Variants in SYNE2 observed in about 807,000 individuals in gnomAD.
SYNE2 encodes the protein spectrin repeat containing nuclear envelope protein 2.
A neutral mutation model predicts 856.3 loss-of-function variants in SYNE2; 431 were observed. The ratio of observed to expected loss-of-function variants is 0.50; its 90% CI spans 0.47 to 0.55. The LOEUF (loss-of-function observed/expected upper bound fraction) is 0.55. SYNE2 is among the 20% of genes least tolerant of loss of function. The pLI is 0.00. For synonymous variants in SYNE2, 2,923 were observed against 2,872.3 expected, an observed-to-expected ratio of 1.02 and a Z score of -0.56; for missense variants, 8,129 against 8,023.2, an observed-to-expected ratio of 1.01 and a Z score of -0.50.
chr14:63,941,831 TAAA>T (rs2095920706), intron 4 of SYNE2, 41 bp downstream of exon 4: 1 of 1,611,142 alleles, frequency 6.2e-7, no homozygotes, highest in African/African-American at 1.3e-5. Context: ...TCTGTTGACT[TAAA>T]AAATATGTAT....
intron 65 of SYNE2, 67 bp from the exon 66 acceptor site, chr14:64,113,274 C>T (rs749585902): frequency 6.2e-7 from 1 of 1,610,514 alleles, no homozygotes; most frequent in Non-Finnish European, 8.5e-7. Context: ...GTTGCAGGTT[C>T]CCAGGTCTTT....
chr14:64,219,502 A>G (rs2098684575), intron 110 of SYNE2, 92 bp downstream of exon 110: 3 of 1,274,296 alleles, frequency 2.4e-6, no homozygotes, highest in African/African-American at 1.5e-5. Context: ...TATTCGTGGC[A>G]TAGGCGCAGC....
chr14:64,126,773 T>C lies in SYNE2; in HGVS notation c.13883T>C (p.Leu4628Pro), dbSNP rs559503999. The change falls in exon 73 of 116, where the codon CTG becomes CCG. Residue 4628 changes from leucine (L) to proline (P), a missense_variant. Coordinates refer to ENST00000555002, the MANE Select transcript of SYNE2 (RefSeq NM_182914.3). ...GCAGCTGTCTGTAGAAGCAAGTCCCTGAAAGCTGGCCTCGATTACAACCGC... is the reference window on the plus strand; with the variant it reads ...GCAGCTGTCTGTAGAAGCAAGTCCCCGAAAGCTGGCCTCGATTACAACCGC... Reference protein sequence around the residue: ...QAAAVCRSKSLKAGLDYNRSY... With the variant: ...QAAAVCRSKSPKAGLDYNRSY... The C allele has an allele frequency of 2.7e-5, 44 of 1,613,656 alleles. No individual in the cohort carries two copies. The African/African-American group carries it at 3.1e-4, about 11-fold the overall frequency.
chr14:64,073,091 T>G (rs2097425355), intron 52 of SYNE2, among the ~76,000 whole-genome samples: 1 of 152,142 alleles, frequency 6.6e-6, no homozygotes, highest in Admixed American at 6.5e-5. Context: ...GGTTTTTTTA[T>G]GGAGACTTCA....
At chr14:64,182,449 C>T (rs2098462978) in intron 96 of SYNE2, among the ~76,000 whole-genome samples, 1 of 151,876 alleles carries the variant, frequency 6.6e-6, no homozygotes, top group Admixed American at 6.6e-5. Context: ...GGGGATTTGG[C>T]ACGGTCATAG....
intron 11 of SYNE2, among the ~76,000 whole-genome samples, chr14:63,974,504 A>G (rs2096513323): frequency 6.6e-6 from 1 of 152,094 alleles, no homozygotes; most frequent in Admixed American, 6.6e-5. Context: ...AAACTTAAAC[A>G]TGAGATTCAG....
chr14:63,977,599 TA>T (rs1358551736), intron 12 of SYNE2, among the ~76,000 whole-genome samples: 5 of 152,076 alleles, frequency 3.3e-5, no homozygotes, highest in African/African-American at 1.2e-4. Context: ...GAAATTTTTT[TA>T]AAAAACAAAA....
chr14:64,127,557 T>G (rs1197091823), intron 73 of SYNE2, among the ~76,000 whole-genome samples: 1 of 152,180 alleles, frequency 6.6e-6, no homozygotes, highest in Non-Finnish European at 1.5e-5. Context: ...TTTGTTTTTG[T>G]TTTTCTAGCT....
In SYNE2 at chr14:64,188,711, A is replaced by C. The variant is rs2098503352; in HGVS notation, c.17871+3A>C. ...AAATGATTGAAAAGTTACAGAAGGT[A>C]AGGGAGGACACCCAGGTGGATGTAG... On this transcript the variant is annotated splice_donor_region_variant and intron_variant, in intron 98 of 115. Coordinates refer to ENST00000555002, the MANE Select transcript of SYNE2 (RefSeq NM_182914.3). 6.2e-7 allele frequency: 1 copy of C among 1,613,998 alleles called. No individual in the cohort carries two copies. Among genetic ancestry groups the C allele is most frequent in the Non-Finnish European group, 8.5e-7 (1 of 1,180,002 alleles).
intron 11 of SYNE2, among the ~76,000 whole-genome samples, chr14:63,974,662 G>A (rs1461999539): frequency 1.4e-5 from 2 of 146,524 alleles, no homozygotes; most frequent in African/African-American, 5.1e-5. Flanking sequence ...GGGTTCCAGC[G>A]ATTCTCCTAT....
intron 68 of SYNE2, among the ~76,000 whole-genome samples, chr14:64,121,807 C>T (rs990667538): frequency 1.3e-5 from 2 of 152,060 alleles, no homozygotes; most frequent in Non-Finnish European, 2.9e-5. Flanking sequence ...TCCATGTATG[C>T]GGTTTAAATA....
intron 103 of SYNE2, among the ~76,000 whole-genome samples, chr14:64,211,077 G>A (rs1273429574): frequency 6.6e-6 from 1 of 151,990 alleles, no homozygotes; most frequent in African/African-American, 2.4e-5. Flanking sequence ...AAACTCCTAG[G>A]CTCAAGGGAT....
chr14:63,779,978 TCA>T (rs1443440511), intron 1 of SYNE2, among the ~76,000 whole-genome samples: 3 of 152,300 alleles, frequency 2.0e-5, no homozygotes, highest in African/African-American at 7.2e-5. Context: ...CTTTCAGTGT[TCA>T]CACATATCAT....
chr14:63,832,714 A>C (rs1023346583), intron 1 of SYNE2, among the ~76,000 whole-genome samples: 17 of 151,824 alleles, frequency 1.1e-4, no homozygotes, highest in Non-Finnish European at 2.1e-4. Context: ...AATATACCAA[A>C]GTAGGATAAT....
chr14:64,073,413 C>T (rs2097428871), intron 52 of SYNE2, among the ~76,000 whole-genome samples: 1 of 152,178 alleles, frequency 6.6e-6, no homozygotes, highest in Admixed American at 6.5e-5. Flanking sequence ...TCCTAGCTAG[C>T]ACTCCTATCT....
chr14:64,221,486 T>G, intron 111 of SYNE2, 90 bp from the exon 112 acceptor site: 1 of 1,612,772 alleles, frequency 6.2e-7, no homozygotes, highest in Non-Finnish European at 8.5e-7. Flanking sequence ...CAAATGACTG[T>G]GATGGATTGG....
chr14:63,944,307 T>A (rs952803264), intron 6 of SYNE2, among the ~76,000 whole-genome samples: 2 of 135,356 alleles, frequency 1.5e-5, no homozygotes, highest in African/African-American at 5.4e-5. Flanking sequence ...TATATATATA[T>A]AAATAAATAA....
intron 13 of SYNE2, among the ~76,000 whole-genome samples, 187 bp from the exon 14 acceptor site, chr14:63,978,665 G>C (rs779549939): frequency 1.3e-5 from 2 of 152,042 alleles, no homozygotes; most frequent in Non-Finnish European, 2.9e-5. Flanking sequence ...CTTAGAAATG[G>C]TTGTTGTATA....
chr14:63,981,310 G>A, intron 16 of SYNE2, 137 bp downstream of exon 16: 1 of 772,574 alleles, frequency 1.3e-6, no homozygotes, highest in Non-Finnish European at 2.2e-6. Flanking sequence ...GTCTTGGAAA[G>A]AATTTAGTTT....
Sources: gnomAD v4.1 joint callset for allele counts (sites outside exome capture counted in the v4.1 genomes callset) on GRCh38, gnomAD v4.1.1 for gene constraint, MANE v1.5 for transcripts, NCBI Gene and HGNC (gene_info 2026-07-23, HGNC 2026-07-21) for gene names.